SUPT5H: variants seen among roughly 807,000 people sequenced by gnomAD.
SUPT5H encodes transcription elongation factor SPT5.
SUPT5H carries 24 observed loss-of-function variants against 142.5 expected under a neutral mutation model. The observed-to-expected ratio is 0.17, with a 90% CI of 0.12 to 0.24. The LOEUF is 0.24. Among genes scored for constraint, SUPT5H ranks in the 10% least tolerant of loss-of-function variants. The pLI, the probability that SUPT5H is intolerant of heterozygous loss-of-function variation, is 1.00. For synonymous variants in SUPT5H, 546 were observed against 553.0 expected (o/e 0.99, Z 0.18); for missense variants, 893 against 1,471.8 (o/e 0.61, Z 6.43).
At chr19:39,462,382 T>G (rs2079174213) in intron 10 of SUPT5H, among the ~76,000 whole-genome samples, 1 of 152,136 alleles carries the variant, frequency 6.6e-6, no homozygotes, top group South Asian at 2.1e-4. Context: ...TAACTATGAA[T>G]CTACCTTCTT....
chr19:39,462,102 G>C (rs988899919), intron 10 of SUPT5H, among the ~76,000 whole-genome samples: 1 of 151,952 alleles, frequency 6.6e-6, no homozygotes, highest in Non-Finnish European at 1.5e-5. Flanking sequence ...TAGAGACGGG[G>C]TTTCACCATG....
At chr19:39,456,052 G>A (rs1228167777) in intron 3 of SUPT5H, among the ~76,000 whole-genome samples, 1 of 146,446 alleles carries the variant, frequency 6.8e-6, no homozygotes, top group Admixed American at 7.0e-5. Context: ...TCAGCTTCCC[G>A]AGTAGCTGGG....
chr19:39,466,419 C>T lies in SUPT5H; in HGVS notation c.877-61C>T. ...TCCTTCCTAGCATCTCCTGACCCTT[C>T]TTGTGTCTGGGGTCAGGGAGGAGAG... On this transcript the variant is annotated intron_variant, in intron 11 of 29. Transcript: ENST00000432763. This position sits in a 1 kb window ranked among gnomAD's most constrained non-coding sequence, Gnocchi z 4.3. The T allele has an allele frequency of 1.4e-6, 2 of 1,479,642 alleles. No individual in the cohort carries two copies. Among genetic ancestry groups the T allele is most frequent in the East Asian group, 4.5e-5 (2 of 44,196 alleles). 91.7% of individuals were successfully genotyped at this position (1,479,642 alleles called of 1,614,324 possible).
At chr19:39,456,767 C>G (rs1372970798) in intron 3 of SUPT5H, among the ~76,000 whole-genome samples, 1 of 152,054 alleles carries the variant, frequency 6.6e-6, no homozygotes, top group Non-Finnish European at 1.5e-5. Context: ...CTATGTTGCC[C>G]AGGCCGGTTT....
At chr19:39,461,834 A>T (rs1306498423) in intron 10 of SUPT5H, among the ~76,000 whole-genome samples, 11 of 142,838 alleles carry the variant, frequency 7.7e-5, no homozygotes, top group African/African-American at 1.3e-4. Flanking sequence ...AAAAAAAAAA[A>T]AAAAAATAAT....
chr19:39,457,761 C>A (rs773203807), intron 4 of SUPT5H, 21 bp downstream of exon 4: 1 of 1,613,926 alleles, frequency 6.2e-7, no homozygotes, highest in South Asian at 1.1e-5. Flanking sequence ...GCCCTGCCTC[C>A]ACAAGACTAC....
intron 3 of SUPT5H, 104 bp from the exon 4 acceptor site, chr19:39,457,571 G>A (rs923936067): frequency 3.2e-6 from 5 of 1,550,362 alleles, no homozygotes; most frequent in African/African-American, 2.7e-5. Flanking sequence ...CCTGCTCTGT[G>A]CGGTGGGGAT....
At chr19:39,448,881 G>A (rs1031756552) in intron 2 of SUPT5H, among the ~76,000 whole-genome samples, 3 of 151,390 alleles carry the variant, frequency 2.0e-5, no homozygotes, top group Non-Finnish European at 2.9e-5. Flanking sequence ...GGATCACGAG[G>A]TCAGGAGATT....
At chr19:39,471,790 C>G in intron 20 of SUPT5H, 60 bp downstream of exon 20, 2 of 1,568,360 alleles carry the variant, frequency 1.3e-6, no homozygotes, top group Non-Finnish European at 1.7e-6. Flanking sequence ...TCCAAGCCTC[C>G]TCTGGCCCCA....
rs1167124845 is a variant in SUPT5H, at chr19:39,466,067, G to A, written c.877-413G>A. Among the ~76,000 whole-genome samples, 3 of 152,152 alleles carry A rather than the reference G, an allele frequency of 2.0e-5. No homozygotes were observed. The highest frequency in any genetic ancestry group is 4.4e-5 in the Non-Finnish European group (3 of 68,038). ...GGAATGCTGAGACTGCAGTGGAGGA[G>A]GGGAAGAGGTCAGGTATTTTGAAGG... On this transcript the variant is annotated intron_variant, in intron 11 of 29. Transcript: ENST00000432763. The surrounding 1 kb of genome is among the most constrained non-coding windows in gnomAD (Gnocchi z 4.3).
At position 39,445,602 on chromosome 19, in the gene SUPT5H, G is replaced by GGGTGGTT; in HGVS notation, c.-123_-122insGGTGGTT. On this transcript the variant is annotated 5_prime_UTR_variant, in exon 1 of 30. Transcript: ENST00000432763. The stretch of plus-strand genomic sequence containing the variant: ...GCCCCAGTCAGGCGTCGTGCGAACA[G>GGGTGGTT]CAGCTGGTACCGAAGGCGGAGGTGG... 2.3e-6 allele frequency: 1 copy of GGGTGGTT among 429,168 alleles called. No individual in the cohort carries two copies. Among genetic ancestry groups the GGGTGGTT allele is most frequent in the South Asian group, 2.9e-5 (1 of 34,690 alleles). 26.6% of individuals were successfully genotyped at this position (429,168 alleles called of 1,614,324 possible).
At chr19:39,468,615 G>T in intron 13 of SUPT5H, 141 bp from the exon 14 acceptor site, 1 of 689,422 alleles carries the variant, frequency 1.5e-6, no homozygotes, top group Non-Finnish European at 2.5e-6. Flanking sequence ...AGTCACTGCT[G>T]CCAAGAGGGT....
chr19:39,472,963 G>T lies in SUPT5H; in HGVS notation c.2155+34G>T. 6.2e-7 allele frequency: 1 copy of T among 1,611,852 alleles called. No homozygotes were observed. ...CGAGGCCTGTGGAGGCCTGGGGAGG[G>T]GCATGGTGAAGGAGAGCCTGCCCAG... is the stretch of plus-strand genomic sequence containing the variant. On this transcript the variant is annotated intron_variant, in intron 22 of 29. Transcript: ENST00000432763. This position sits in a 1 kb window ranked among gnomAD's most constrained non-coding sequence, Gnocchi z 4.2.
rs777134577 is a variant in SUPT5H at position 39,449,032 on chromosome 19, G to T, written c.75+3067G>T. Reference sequence around the variant, plus strand: ...GTGAACGCAGGAGACAGAGCTTGCAGTGAGCAGAGATCGCACCATTGCACT... The same window carrying T: ...GTGAACGCAGGAGACAGAGCTTGCATTGAGCAGAGATCGCACCATTGCACT... On this transcript the variant is annotated intron_variant, in intron 2 of 29. Transcript: ENST00000432763. Among the ~76,000 whole-genome samples, 52 of 143,540 alleles carry T rather than the reference G, an allele frequency of 3.6e-4. 10 individuals are homozygous for T. Among genetic ancestry groups the T allele is most frequent in the Admixed American group, 1.1e-3 (15 of 14,214 alleles). 94.2% of individuals were successfully genotyped at this position (143,540 alleles called of 152,430 possible).
At position 39,469,122 on chromosome 19, in the gene SUPT5H, T is replaced by G; in HGVS notation, c.1187T>G (p.Phe396Cys). 1 of 1,614,164 alleles carries G rather than the reference T, an allele frequency of 6.2e-7. No individual in the cohort carries two copies. The highest frequency in any genetic ancestry group is 2.2e-5 in the East Asian group (1 of 44,892). Residue 396 changes from phenylalanine to cysteine, a missense_variant, in exon 15 of 30, where the codon TTT (phenylalanine) becomes TGT (cysteine). Around this residue, in one of 6 missense-constraint regions of SUPT5H, gnomAD observed 428 missense variants for 763.5 expected, o/e 0.56. Transcript: ENST00000432763. This position sits in a 1 kb window ranked among gnomAD's most constrained non-coding sequence, Gnocchi z 5.1. ...CCAACACTCTCTGAGCTGGAAAAGT[T>G]TGAGGACCAGCCAGAGGGCATTGAC... ...VKPTLSELEK[F>C]EDQPEGIDLE...
In SUPT5H at chr19:39,472,619, C is replaced by A; in HGVS notation, c.2035+126C>A. On this transcript the variant is annotated intron_variant, in intron 21 of 29. Transcript: ENST00000432763. The surrounding 1 kb of genome is among the most constrained non-coding windows in gnomAD (Gnocchi z 4.2). ...ACTGCTATTAGGGGTTCACCACCCA[C>A]AGGAGGGTAGACGCCACAGTGACAG... The A allele has an allele frequency of 7.2e-7, 1 of 1,379,376 alleles. No individual in the cohort carries two copies. Among genetic ancestry groups the A allele is most frequent in the Non-Finnish European group, 9.9e-7 (1 of 1,009,792 alleles). The allele number at this position is 1,379,376 out of a possible 1,614,324, so 85.4% of individuals were successfully genotyped here. A position where few individuals can be genotyped will look rare whatever the true frequency, so the allele number is the denominator to read the frequency against.
In SUPT5H at chr19:39,469,803, G is replaced by C; in HGVS notation, c.1375-316G>C. The C allele has an allele frequency of 4.2e-6, 2 of 471,618 alleles. No individual in the cohort carries two copies. The highest frequency in any genetic ancestry group is 4.6e-5 in the South Asian group (2 of 43,094). The allele number at this position is 471,618 out of a possible 1,614,324, so 29.2% of individuals were successfully genotyped here. Reference sequence around the variant, plus strand: ...TGATGTGTGGGGTGAGGCTGTCTCCGGGTGGGGCTGAGGAGCTGTCCAGTC... The same window carrying C: ...TGATGTGTGGGGTGAGGCTGTCTCCCGGTGGGGCTGAGGAGCTGTCCAGTC... On this transcript the variant is annotated intron_variant, in intron 16 of 29. Coordinates refer to ENST00000432763, the MANE Select transcript of SUPT5H (RefSeq NM_001111020.3). The surrounding 1 kb of genome is among the most constrained non-coding windows in gnomAD (Gnocchi z 5.1).
chr19:39,459,141 C>T, intron 7 of SUPT5H, 43 bp from the exon 8 acceptor site: 1 of 1,612,300 alleles, frequency 6.2e-7, no homozygotes, highest in Non-Finnish European at 8.5e-7. Context: ...GGGCGGGGAT[C>T]TGACAGAGCT....
Position 39,472,392 on chromosome 19 carries a change from C to T in SUPT5H, c.1951-17C>T. On this transcript the variant is annotated splice_polypyrimidine_tract_variant and intron_variant, in intron 20 of 29. Coordinates refer to ENST00000432763, the MANE Select transcript of SUPT5H (RefSeq NM_001111020.3). This position sits in a 1 kb window ranked among gnomAD's most constrained non-coding sequence, Gnocchi z 4.2. ...CCCATCCCCTGCCTGCCAGTTCACT[C>T]CTTGCTTCTATCCTAGCCCCGTGAT... The T allele has an allele frequency of 6.2e-7, 1 of 1,613,564 alleles. No homozygotes were observed. The highest frequency in any genetic ancestry group is 1.1e-5 in the South Asian group (1 of 91,026).
Sources: gnomAD v4.1 joint callset for allele counts (sites outside exome capture counted in the v4.1 genomes callset) on GRCh38, gnomAD v4.1.1 for gene constraint, gnomAD v4.1.1 regional missense constraint, Gnocchi (gnomAD v3.1) non-coding constraint, MANE v1.5 for transcripts, NCBI Gene and HGNC (gene_info 2026-07-23, HGNC 2026-07-21) for gene names.